Variants in DNAJC16 observed in about 807,000 individuals in gnomAD.
DNAJC16 encodes DnaJ heat shock protein family (Hsp40) member C16.
In DNAJC16, 76 loss-of-function variants were observed where a neutral mutation model predicts 92.7. The observed-to-expected ratio is 0.82, with a 90% CI of 0.68 to 0.99. The LOEUF (loss-of-function observed/expected upper bound fraction) is 0.99. Among genes scored for constraint, DNAJC16 ranks in the 50% least tolerant of loss-of-function variants. The pLI, the probability that DNAJC16 is intolerant of heterozygous loss-of-function variation, is 0.00. For missense variants in DNAJC16, 869 were observed against 942.4 expected, an observed-to-expected ratio of 0.92 and a Z score of 1.02; for synonymous variants, 328 against 358.7, an observed-to-expected ratio of 0.91 and a Z score of 0.97.
chr1:15,563,453 T>TGGGAGGCAGAGGTTGCA (rs1638735260), intron 9 of DNAJC16, among the ~76,000 whole-genome samples: 1 of 151,676 alleles, frequency 6.6e-6, no homozygotes, highest in Non-Finnish European at 1.5e-5. Flanking sequence ...TGCTTGAACC[T>TGGGAGGCAGAGGTTGCA]GGGAGGCAGA....
rs759403967 is a variant in DNAJC16, at chr1:15,544,479, C to T, written c.655C>T (p.Leu219=). The part of the protein sequence containing the change: ...HLGAHSTPSI[L]GIINGKISFF... ...AGGGGCACACAGCACGCCCTCTATC[C>T]TAGGAATCATTAACGGGAAAATCTC... Residue 219 remains leucine, a synonymous_variant, in exon 5 of 15, where the codon CTA becomes TTA. Transcript: ENST00000375847. 7 of 1,614,028 alleles carry T rather than the reference C, an allele frequency of 4.3e-6. No homozygotes were observed. The highest frequency in any genetic ancestry group is 5.9e-6 in the Non-Finnish European group (7 of 1,180,022).
intron 5 of DNAJC16, among the ~76,000 whole-genome samples, chr1:15,546,270 T>A (rs1232376833): frequency 6.6e-6 from 1 of 152,090 alleles, no homozygotes; most frequent in African/African-American, 2.4e-5. Flanking sequence ...GCCATGATCA[T>A]GCCACTGCAC....
At position 15,540,325 on chromosome 1, in the gene DNAJC16, C is replaced by CA. The variant is rs1272049665; in HGVS notation, c.574+3521dup. Among the ~76,000 whole-genome samples the CA allele has an allele frequency of 4.1e-3, 581 of 141,138 alleles. 2 individuals carry two copies. The highest frequency in any genetic ancestry group is 0.013 in the African/African-American group (504 of 38,158). The allele number at this position is 141,138 out of a possible 152,430, so 92.6% of individuals were successfully genotyped here. On this transcript the variant is annotated intron_variant, in intron 4 of 14. Coordinates refer to ENST00000375847, the MANE Select transcript of DNAJC16 (RefSeq NM_015291.4). The stretch of plus-strand genomic sequence containing the variant: ...TGGGCGACAGAATGAGACTCCGTCT[C>CA]AAAAAAAAAAGAAAAGAAAAAAACC...
chr1:15,569,094 T>G lies in DNAJC16; in HGVS notation c.*917T>G. The G allele has an allele frequency of 6.0e-6, 1 of 167,382 alleles. No individual in the cohort carries two copies. Among genetic ancestry groups the G allele is most frequent in the Non-Finnish European group, 1.3e-5 (1 of 78,218 alleles). 10.4% of individuals were successfully genotyped at this position (167,382 alleles called of 1,614,324 possible). A position where few individuals can be genotyped will look rare whatever the true frequency, so the allele number is the denominator to read the frequency against. ...GCTATAAAGCCAGTAGATGTTAAAC[T>G]GAAGAGAAATTATTCCCACCTGCTA... On this transcript the variant is annotated 3_prime_UTR_variant, in exon 15 of 15. Transcript: ENST00000375847.
At position 15,563,858 on chromosome 1, in the gene DNAJC16, A is replaced by AG. The variant is rs1452396137; in HGVS notation, c.1339-71_1339-70insG. 3 of 1,477,796 alleles carry AG rather than the reference A, an allele frequency of 2.0e-6. No individual in the cohort carries two copies. The African/African-American group carries it at 4.9e-5, about 24-fold the overall frequency. 91.5% of individuals were successfully genotyped at this position (1,477,796 alleles called of 1,614,324 possible). A position where few individuals can be genotyped will look rare whatever the true frequency, so the allele number is the denominator to read the frequency against. ...AAGCAAGACTCCGTCAAAAAAAAAA[A>AG]AAAAAGCAAACAACTGTAACTTAAC... On this transcript the variant is annotated intron_variant, in intron 9 of 14. Coordinates refer to ENST00000375847, the MANE Select transcript of DNAJC16 (RefSeq NM_015291.4).
Position 15,569,631 on chromosome 1 carries a change from C to CTTTTTTTTTTTTTT in DNAJC16, c.*1460_*1473dup, listed in dbSNP as rs377498367. 2.4e-5 allele frequency: 3 copies of CTTTTTTTTTTTTTT among 126,774 alleles called. No homozygotes were observed. The highest frequency in any genetic ancestry group is 3.3e-5 in the Non-Finnish European group (2 of 60,452). 7.9% of individuals were successfully genotyped at this position (126,774 alleles called of 1,614,324 possible). ...GTGATGGGACATTTACTAAGTATTT[C>CTTTTTTTTTTTTTT]TTTTTTTTTTTTTTTTTTTAGTTGT... On this transcript the variant is annotated 3_prime_UTR_variant, in exon 15 of 15. Coordinates refer to ENST00000375847, the MANE Select transcript of DNAJC16 (RefSeq NM_015291.4).
chr1:15,566,165 C>T lies in DNAJC16; in HGVS notation c.1763C>T (p.Thr588Ile), dbSNP rs760241168. 1.2e-6 allele frequency: 2 copies of T among 1,613,946 alleles called. No individual in the cohort carries two copies. The highest frequency in any genetic ancestry group is 1.7e-6 in the Non-Finnish European group (2 of 1,179,982). Residue 588 changes from threonine (T) to isoleucine (I), a missense_variant, in exon 13 of 15, where the codon ACC becomes ATC. Coordinates refer to ENST00000375847, the MANE Select transcript of DNAJC16 (RefSeq NM_015291.4). The stretch of plus-strand genomic sequence containing the variant: ...ACTGGGAAAACTGAGCCAAGCTTCA[C>T]CAAAGAAAACAGCAGGTTTCTCTAA... Reference protein sequence around the residue: ...EKTGKTEPSFTKENSSKIPKK... With the variant: ...EKTGKTEPSFIKENSSKIPKK...
At chr1:15,543,429 G>T (rs900167410) in intron 4 of DNAJC16, among the ~76,000 whole-genome samples, 1 of 152,224 alleles carries the variant, frequency 6.6e-6, no homozygotes, top group Non-Finnish European at 1.5e-5. Context: ...CAGCAAGGAC[G>T]CTGGGGACTG....
At chr1:15,545,394 T>C (rs111389126) in intron 5 of DNAJC16, among the ~76,000 whole-genome samples, 1,746 of 152,342 alleles carry the variant, frequency 0.011, 39 homozygotes, top group African/African-American at 0.039. Flanking sequence ...ATTGGAGGCT[T>C]CTAAAATGGT....
intron 2 of DNAJC16, among the ~76,000 whole-genome samples, chr1:15,529,543 A>T (rs140134546): frequency 1.3e-5 from 2 of 152,228 alleles, no homozygotes; most frequent in African/African-American, 4.8e-5. Context: ...TGTTAAAGTA[A>T]CAAGTTTTAA....
chr1:15,567,286 G>A lies in DNAJC16; in HGVS notation c.1949+17G>A, dbSNP rs77507990. On this transcript the variant is annotated intron_variant, in intron 14 of 14. Coordinates refer to ENST00000375847, the MANE Select transcript of DNAJC16 (RefSeq NM_015291.4). ...ATTTACTGGGTAAGCATGTGTGTGT[G>A]TGCATGTATGTATGTGTGTGAGAGA... 2.5e-6 allele frequency: 4 copies of A among 1,605,922 alleles called. No individual in the cohort carries two copies. Among genetic ancestry groups the A allele is most frequent in the East Asian group, 2.2e-5 (1 of 44,622 alleles).
chr1:15,531,671 T>G (rs1362861035), intron 2 of DNAJC16, among the ~76,000 whole-genome samples: 2 of 152,242 alleles, frequency 1.3e-5, no homozygotes, highest in Admixed American at 1.3e-4. Context: ...ATGAGTCATA[T>G]TCTTCTCTTT....
rs1209190140 is a variant in DNAJC16 at position 15,570,848 on chromosome 1, G to A, written c.*2671G>A. The A allele has an allele frequency of 6.6e-6, 1 of 152,172 alleles. No homozygotes were observed. The highest frequency in any genetic ancestry group is 1.5e-5 in the Non-Finnish European group (1 of 68,036). The allele number at this position is 152,172 out of a possible 1,614,324, so 9.4% of individuals were successfully genotyped here. A position where few individuals can be genotyped will look rare whatever the true frequency, so the allele number is the denominator to read the frequency against. On this transcript the variant is annotated 3_prime_UTR_variant, in exon 15 of 15. Transcript: ENST00000375847. ...GCCACCATTGCTCTGTCTGATGTAT[G>A]TAATCATACAAGACCTGATTTTGGT... is the stretch of plus-strand genomic sequence containing the variant.
intron 11 of DNAJC16, among the ~76,000 whole-genome samples, 185 bp downstream of exon 11, chr1:15,564,544 A>T (rs1429543453): frequency 1.2e-4 from 16 of 130,082 alleles, no homozygotes; most frequent in East Asian, 2.1e-4. Flanking sequence ...TTTATTTTTT[A>T]CTTTTTTTTT....
chr1:15,567,259 A>G lies in DNAJC16; in HGVS notation c.1939A>G (p.Thr647Ala). The G allele has an allele frequency of 6.2e-7, 1 of 1,613,556 alleles. No individual in the cohort carries two copies. Among genetic ancestry groups the G allele is most frequent in the Non-Finnish European group, 8.5e-7 (1 of 1,179,594 alleles). The change falls in exon 14 of 15, where the codon ACA becomes GCA. Residue 647 changes from threonine (T) to alanine (A), a missense_variant. By Grantham distance (58) the Thr-to-Ala change is moderately conservative. Coordinates refer to ENST00000375847, the MANE Select transcript of DNAJC16 (RefSeq NM_015291.4). Reference protein sequence around the residue: ...LLQKFALEVYTFTGSSCLHFS... With the variant: ...LLQKFALEVYAFTGSSCLHFS... ...ACAGAAATTTGCTTTGGAGGTCTAC[A>G]CATTTACTGGGTAAGCATGTGTGTG...
intron 3 of DNAJC16, among the ~76,000 whole-genome samples, chr1:15,536,144 G>T (rs1391430892): frequency 6.8e-6 from 1 of 146,570 alleles, no homozygotes; most frequent in Non-Finnish European, 1.5e-5. Flanking sequence ...CACCATCTCG[G>T]CTCACCTCAA....
rs765397843 is a variant in DNAJC16 at position 15,567,796 on chromosome 1, C to T, written c.1968C>T (p.Phe656=). 1 of 1,613,766 alleles carries T rather than the reference C, an allele frequency of 6.2e-7. No individual in the cohort carries two copies. The highest frequency in any genetic ancestry group is 1.7e-5 in the Admixed American group (1 of 60,016). The change falls in exon 15 of 15, where the codon TTC becomes TTT. Residue 656 remains phenylalanine (F), a synonymous_variant. Transcript: ENST00000375847. The part of the protein sequence containing the change: ...YTFTGSSCLH[F]SFLSLDKHRE... ...CCTACAGGAGCAGCTGCCTACACTT[C>T]TCCTTCCTGAGTCTAGATAAACACA...
At chr1:15,560,862 G>C (rs1175039751) in intron 8 of DNAJC16, among the ~76,000 whole-genome samples, 1 of 151,522 alleles carries the variant, frequency 6.6e-6, no homozygotes, top group Non-Finnish European at 1.5e-5. Flanking sequence ...TAGTCTCTCT[G>C]CTCCATTCCA....
At position 15,536,763 on chromosome 1, in the gene DNAJC16, A is replaced by G. The variant is rs1161612091; in HGVS notation, c.523A>G (p.Ile175Val). 16 of 1,613,660 alleles carry G rather than the reference A, an allele frequency of 9.9e-6. No homozygotes were observed. Among genetic ancestry groups the G allele is most frequent in the African/African-American group, 1.3e-5 (1 of 74,912 alleles). Residue 175 changes from isoleucine (I) to valine (V), a missense_variant, in exon 4 of 15, where the codon ATT becomes GTT. Coordinates refer to ENST00000375847, the MANE Select transcript of DNAJC16 (RefSeq NM_015291.4). Reference sequence around the variant, plus strand: ...CACCTCCGATTGGTGCTTTAGCTGCATTCATATCGAGCCTGTGTGGAAAGA... The same window carrying G: ...CACCTCCGATTGGTGCTTTAGCTGCGTTCATATCGAGCCTGTGTGGAAAGA... ...KITSDWCFSC[I>V]HIEPVWKEVI... is the part of the protein sequence containing the mutation.
Sources: gnomAD v4.1 joint callset for allele counts (sites outside exome capture counted in the v4.1 genomes callset) on GRCh38, gnomAD v4.1.1 for gene constraint, MANE v1.5 for transcripts, NCBI Gene and HGNC (gene_info 2026-07-23, HGNC 2026-07-21) for gene names.